MTUS2: variants seen among roughly 807,000 people sequenced by gnomAD.
MTUS2 encodes microtubule-associated tumor suppressor candidate 2.
MTUS2 carries 40 observed loss-of-function variants against 114.1 expected under a neutral mutation model. The observed-to-expected ratio is 0.35, with a 90% CI of 0.27 to 0.46. MTUS2 has a LOEUF of 0.46. Among genes scored for constraint, MTUS2 ranks in the 20% least tolerant of loss-of-function variants. MTUS2 has a pLI of 1.00. For synonymous variants in MTUS2, 688 were observed against 672.0 expected (o/e 1.02, Z -0.37); for missense variants, 1,679 against 1,705.4 (o/e 0.98, Z 0.27).
chr13:29,061,801 T>C (rs1888432761), intron 4 of MTUS2, among the ~76,000 whole-genome samples: 1 of 152,212 alleles, frequency 6.6e-6, no homozygotes, highest in African/African-American at 2.4e-5. Flanking sequence ...ATTTTGTTTG[T>C]TTTTTAACTG....
chr13:29,221,040 G>A lies in MTUS2; in HGVS notation c.2645-60664G>A, dbSNP rs187293317. On this transcript the variant is annotated intron_variant, in intron 5 of 15. Coordinates refer to ENST00000612955, the MANE Select transcript of MTUS2 (RefSeq NM_001033602.4). The stretch of plus-strand genomic sequence containing the variant: ...AGAGGTGTGAATATCCCTCTACATC[G>A]TTCTCTCACAGTCTTCCTCCTCCAG... Among the ~76,000 whole-genome samples the A allele has an allele frequency of 3.4e-4, 52 of 151,468 alleles. No homozygotes were observed. The East Asian group carries it at 4.9e-3, about 14-fold the overall frequency.
At chr13:29,492,597 T>C in intron 11 of MTUS2, 49 bp from the exon 12 acceptor site, 1 of 1,494,098 alleles carries the variant, frequency 6.7e-7, no homozygotes. Context: ...CCTTGTTTTA[T>C]CCTTTTCAAA....
At chr13:29,374,761 G>A (rs567785138) in intron 8 of MTUS2, among the ~76,000 whole-genome samples, 9 of 152,120 alleles carry the variant, frequency 5.9e-5, no homozygotes, top group Admixed American at 4.6e-4. Flanking sequence ...GCCAGGTGTG[G>A]TGGCACACAC....
At chr13:28,959,800 T>C (rs568554488) in intron 2 of MTUS2, among the ~76,000 whole-genome samples, 1 of 152,136 alleles carries the variant, frequency 6.6e-6, no homozygotes, top group Non-Finnish European at 1.5e-5. Context: ...CCTCCAACAT[T>C]GGAGGGTACA....
chr13:29,129,542 C>A (rs1310469265), intron 5 of MTUS2, among the ~76,000 whole-genome samples: 1 of 148,098 alleles, frequency 6.8e-6, no homozygotes, highest in African/African-American at 2.5e-5. Context: ...TTTCCATTTT[C>A]AAACTTATTT....
intron 7 of MTUS2, among the ~76,000 whole-genome samples, chr13:29,357,971 A>G (rs962054962): frequency 2.0e-5 from 3 of 152,188 alleles, no homozygotes; most frequent in Non-Finnish European, 2.9e-5. Flanking sequence ...TTGTCTCAGT[A>G]CACCAGGTAC....
intron 4 of MTUS2, among the ~76,000 whole-genome samples, chr13:29,091,119 T>C (rs1467690): frequency 0.97 from 147,880 of 152,010 alleles, 72,000 homozygotes; most frequent in Non-Finnish European, 0.99. Flanking sequence ...CTTCCTCTAT[T>C]GATTCTGGAT....
chr13:29,452,610 A>G (rs919584620), intron 9 of MTUS2, among the ~76,000 whole-genome samples: 56 of 146,758 alleles, frequency 3.8e-4, no homozygotes, highest in African/African-American at 1.4e-3. Flanking sequence ...GTGTGTGTAT[A>G]TATATATATA....
At chr13:28,885,288 A>G (rs1349530921) in intron 2 of MTUS2, among the ~76,000 whole-genome samples, 2 of 152,230 alleles carry the variant, frequency 1.3e-5, no homozygotes, top group African/African-American at 2.4e-5. Context: ...TGGCAACTCG[A>G]TACCAAGAGG....
At chr13:28,823,799 A>G (rs1415386919) in intron 1 of MTUS2, among the ~76,000 whole-genome samples, 1 of 152,348 alleles carries the variant, frequency 6.6e-6, no homozygotes, top group Admixed American at 6.5e-5. Context: ...ATAGTTCAGC[A>G]TGGCTGGGGA....
At chr13:29,277,744 G>A (rs1446725671) in intron 5 of MTUS2, among the ~76,000 whole-genome samples, 5 of 152,090 alleles carry the variant, frequency 3.3e-5, no homozygotes, top group East Asian at 3.9e-4. Context: ...AGTGATACAC[G>A]CCACTTCCAG....
intron 1 of MTUS2, among the ~76,000 whole-genome samples, chr13:28,825,370 A>G (rs2137928518): frequency 6.6e-6 from 1 of 152,272 alleles, no homozygotes; most frequent in South Asian, 2.1e-4. Context: ...AAAGATGTGG[A>G]CAGTGGAAAC....
At chr13:29,027,263 A>G (rs1245114441) in intron 3 of MTUS2, among the ~76,000 whole-genome samples, 1 of 152,238 alleles carries the variant, frequency 6.6e-6, no homozygotes, top group East Asian at 1.9e-4. Context: ...ATGCAAAATT[A>G]CTGTGTTCTT....
At chr13:29,120,714 C>T (rs1357584662) in intron 5 of MTUS2, among the ~76,000 whole-genome samples, 8 of 152,156 alleles carry the variant, frequency 5.3e-5, no homozygotes, top group Non-Finnish European at 8.8e-5. Flanking sequence ...GGCAGGAGCC[C>T]TCCACTAAAG....
At chr13:29,096,649 A>G (rs1176294666) in intron 4 of MTUS2, among the ~76,000 whole-genome samples, 1 of 152,230 alleles carries the variant, frequency 6.6e-6, no homozygotes, top group African/African-American at 2.4e-5. Context: ...TGTTCCAAAC[A>G]AAGTTAATTC....
intron 4 of MTUS2, among the ~76,000 whole-genome samples, chr13:29,096,005 T>G (rs1241324781): frequency 6.6e-6 from 1 of 152,278 alleles, no homozygotes; most frequent in East Asian, 1.9e-4. Flanking sequence ...AGTATCTGAA[T>G]CACCCTTTTC....
intron 2 of MTUS2, among the ~76,000 whole-genome samples, chr13:28,904,685 C>T (rs1242234755): frequency 4.6e-5 from 7 of 151,988 alleles, no homozygotes; most frequent in Admixed American, 6.6e-5. Flanking sequence ...AGTCAGGTAG[C>T]GTGATGCCTC....
At chr13:29,261,237 C>T (rs1021180099) in intron 5 of MTUS2, among the ~76,000 whole-genome samples, 3 of 152,166 alleles carry the variant, frequency 2.0e-5, no homozygotes, top group Non-Finnish European at 4.4e-5. Flanking sequence ...TCAATTTCTT[C>T]TCCTTTAAAG....
At chr13:29,343,221 A>G (rs1475781848) in intron 7 of MTUS2, among the ~76,000 whole-genome samples, 1 of 151,892 alleles carries the variant, frequency 6.6e-6, no homozygotes, top group Non-Finnish European at 1.5e-5. Flanking sequence ...ATTAGTGTCA[A>G]TAGGATTGGT....
Sources: allele counts gnomAD v4.1 joint callset (sites outside exome capture counted in the v4.1 genomes callset), GRCh38; gene constraint gnomAD v4.1.1; transcripts MANE v1.5; gene names NCBI Gene and HGNC (gene_info 2026-07-23, HGNC 2026-07-21).